BOC: variants seen among roughly 807,000 people sequenced by gnomAD.
BOC encodes BOC cell adhesion associated, oncogene regulated.
Under a neutral mutation model 112.0 loss-of-function variants are expected in BOC, and 76 were observed. The ratio of observed to expected loss-of-function variants is 0.68; its 90% CI spans 0.56 to 0.82. BOC has a LOEUF of 0.82. Among genes scored for constraint, BOC ranks in the 40% least tolerant of loss-of-function variants. BOC has a pLI of 0.00. For missense variants in BOC, 1,309 were observed against 1,511.7 expected, an observed-to-expected ratio of 0.87 and a Z score of 2.22; for synonymous variants, 580 against 599.8, an observed-to-expected ratio of 0.97 and a Z score of 0.48.
At chr3:113,281,305 T>G in intron 15 of BOC, 152 bp downstream of exon 15, 1 of 951,054 alleles carries the variant, frequency 1.1e-6, no homozygotes, top group Non-Finnish European at 1.5e-6. Context: ...TTTCACTCTC[T>G]ACTCATTTGT....
At chr3:113,215,424 T>G (rs1375840621) in intron 1 of BOC, among the ~76,000 whole-genome samples, 1 of 152,192 alleles carries the variant, frequency 6.6e-6, no homozygotes, top group Non-Finnish European at 1.5e-5. Context: ...TGAACTCCAT[T>G]CACACTGACT....
intron 5 of BOC, chr3:113,269,340 C>T (rs1947859113): frequency 1.3e-5 from 2 of 152,156 alleles, no homozygotes; most frequent in African/African-American, 4.8e-5. Context: ...AAGGGGTTGT[C>T]CCCGAAGTCA....
At position 113,221,566 on chromosome 3, in the gene BOC, C is replaced by T. The variant is rs117336787; in HGVS notation, c.-82+5292C>T. On this transcript the variant is annotated intron_variant, in intron 2 of 19. Coordinates refer to ENST00000682979, the MANE Select transcript of BOC (RefSeq NM_001378074.1). ...TGACTATGTTCTTTCTCTCATCCTC[C>T]ACTTTAAATTGGCCAGTAATATTGG... is the stretch of plus-strand genomic sequence containing the variant. 3.8e-4 allele frequency among the ~76,000 whole-genome samples: 58 copies of T among 152,322 alleles called. No homozygotes were observed. In the East Asian group the frequency reaches 9.7e-3, roughly 25 times the overall value.
rs1948848131 is a variant in BOC, at chr3:113,278,234, C to G, written c.1682C>G (p.Thr561Arg). The change falls in exon 10 of 20, where the codon ACA (threonine) becomes AGA (arginine). Residue 561 changes from threonine (T) to arginine (R), a missense_variant. Transcript: ENST00000682979. This position sits in a 1 kb window ranked among gnomAD's most constrained non-coding sequence, Gnocchi z 4.2. Reference protein sequence around the residue: ...AAYNCAGEGQTAMVTFRTGRR... With the variant: ...AAYNCAGEGQRAMVTFRTGRR... ...TACAACTGTGCGGGAGAGGGCCAGACAGCCATGGTCACCTTCCGAACTGGT... is the reference window on the plus strand; with the variant it reads ...TACAACTGTGCGGGAGAGGGCCAGAGAGCCATGGTCACCTTCCGAACTGGT... 1 of 1,614,220 alleles carries G rather than the reference C, an allele frequency of 6.2e-7. No homozygotes were observed. Among genetic ancestry groups the G allele is most frequent in the Admixed American group, 1.7e-5 (1 of 60,028 alleles).
intron 6 of BOC, 134 bp downstream of exon 6, chr3:113,271,078 G>A: frequency 7.5e-7 from 1 of 1,335,296 alleles, no homozygotes; most frequent in Non-Finnish European, 1.1e-6. Flanking sequence ...TGGCCAGGGG[G>A]ACAGCCAGGG....
intron 12 of BOC, 80 bp from the exon 13 acceptor site, chr3:113,279,744 G>A: frequency 6.9e-7 from 1 of 1,444,022 alleles, no homozygotes; most frequent in Non-Finnish European, 9.4e-7. Context: ...GACCCCTCCA[G>A]GTCCTGGGCC....
chr3:113,235,304 T>C (rs1053639459), intron 2 of BOC, among the ~76,000 whole-genome samples: 1 of 152,200 alleles, frequency 6.6e-6, no homozygotes, highest in Non-Finnish European at 1.5e-5. Context: ...CCTGGTCATA[T>C]GTTGTAATTA....
At chr3:113,279,677 T>C (rs1339291638) in intron 12 of BOC, 147 bp from the exon 13 acceptor site, 2 of 870,530 alleles carry the variant, frequency 2.3e-6, no homozygotes, top group Non-Finnish European at 3.4e-6. Flanking sequence ...GCTCTGACAG[T>C]GGCGGGTGTT....
At chr3:113,267,515 G>T (rs965065789) in intron 4 of BOC, among the ~76,000 whole-genome samples, 11 of 152,170 alleles carry the variant, frequency 7.2e-5, no homozygotes, top group Non-Finnish European at 1.6e-4. Flanking sequence ...ACCCTAGGGT[G>T]CTGCCTGTTG....
At chr3:113,268,973 A>G (rs1947817719) in intron 5 of BOC, among the ~76,000 whole-genome samples, 1 of 152,142 alleles carries the variant, frequency 6.6e-6, no homozygotes, top group Non-Finnish European at 1.5e-5. Flanking sequence ...CTGTCTTAGC[A>G]TGAGGAATTT....
In BOC at chr3:113,249,782, T is replaced by C. The variant is rs1576410641; in HGVS notation, c.-21T>C. On this transcript the variant is annotated 5_prime_UTR_variant, in exon 3 of 20. Coordinates refer to ENST00000682979, the MANE Select transcript of BOC (RefSeq NM_001378074.1). ...CCCTGGCGGCTTATGGGACGTTGGC[T>C]TCAGACCTTTGTGATACACCATGCT... 9 of 1,601,742 alleles carry C rather than the reference T, an allele frequency of 5.6e-6. No homozygotes were observed. The highest frequency in any genetic ancestry group is 1.8e-5 in the Admixed American group (1 of 56,288).
chr3:113,216,012 C>A (rs1939300827), intron 1 of BOC, among the ~76,000 whole-genome samples, 175 bp from the exon 2 acceptor site: 1 of 152,204 alleles, frequency 6.6e-6, no homozygotes, highest in South Asian at 2.1e-4. Context: ...AGCCAGGAAA[C>A]TGGACATTTC....
intron 7 of BOC, 78 bp from the exon 8 acceptor site, chr3:113,272,991 A>G (rs1181352071): frequency 6.6e-7 from 1 of 1,512,306 alleles, no homozygotes; most frequent in Non-Finnish European, 9.0e-7. Flanking sequence ...AGCTGCTCCT[A>G]ACTACATCCC....
chr3:113,264,564 C>T (rs1947253173), intron 4 of BOC, among the ~76,000 whole-genome samples: 1 of 152,200 alleles, frequency 6.6e-6, no homozygotes, highest in African/African-American at 2.4e-5. Flanking sequence ...AGGCTGGTTT[C>T]CTTCATATGC....
In BOC at chr3:113,270,925, C is replaced by T. The variant is rs139574939; in HGVS notation, c.648C>T (p.Ser216=). The change falls in exon 6 of 20, where the codon AGC becomes AGT. Residue 216 remains serine, a synonymous_variant. Coordinates refer to ENST00000682979, the MANE Select transcript of BOC (RefSeq NM_001378074.1). ...VTQEVKTSGS[S]DRLRVRRSTA... is the part of the protein sequence containing the mutation. ...AGGAAGTGAAAACCTCCGGCTCCAGCGACAGGCTACGTGTGCGCCGTAAGG... is the reference window on the plus strand; with the variant it reads ...AGGAAGTGAAAACCTCCGGCTCCAGTGACAGGCTACGTGTGCGCCGTAAGG... The T allele has an allele frequency of 6.4e-4, 1,038 of 1,614,194 alleles. 6 individuals are homozygous for T. The African/African-American group carries it at 0.012, about 18-fold the overall frequency.
At chr3:113,259,323 G>A (rs1306114971) in intron 4 of BOC, among the ~76,000 whole-genome samples, 1 of 152,178 alleles carries the variant, frequency 6.6e-6, no homozygotes, top group Admixed American at 6.5e-5. Flanking sequence ...CATTTTCTAA[G>A]CTAAGAGAAA....
chr3:113,232,500 A>AG (rs1364598138), intron 2 of BOC, among the ~76,000 whole-genome samples: 1 of 152,160 alleles, frequency 6.6e-6, no homozygotes, highest in East Asian at 1.9e-4. Context: ...ATGGGAAAGA[A>AG]AGTAAACTGT....
rs1213027428 is a variant in BOC at position 113,286,763 on chromosome 3, G to A, written c.3249G>A (p.Gln1083=). The A allele has an allele frequency of 1.9e-6, 3 of 1,613,778 alleles. No homozygotes were observed. The African/African-American group carries it at 4.0e-5, about 22-fold the overall frequency. The change falls in exon 20 of 20, where the codon CAG becomes CAA. Residue 1083 remains glutamine, a synonymous_variant. Coordinates refer to ENST00000682979, the MANE Select transcript of BOC (RefSeq NM_001378074.1). ...TGAGTGGAGGAGACTGGTGTCCCCA[G>A]CACCCCGTAGGGGCCTACGTAGGAC... The part of the protein sequence containing the change: ...CQVSGGDWCP[Q]HPVGAYVGQE...
chr3:113,282,480 C>T (rs11923623), intron 15 of BOC, among the ~76,000 whole-genome samples: 6,870 of 152,170 alleles, frequency 0.045, 176 homozygotes, highest in African/African-American at 0.065. Flanking sequence ...GAAATGGCAA[C>T]GGCAAGAAGA....
Sources: allele counts gnomAD v4.1 joint callset (sites outside exome capture counted in the v4.1 genomes callset), GRCh38; gene constraint gnomAD v4.1.1; non-coding constraint Gnocchi (gnomAD v3.1); transcripts MANE v1.5; gene names NCBI Gene and HGNC (gene_info 2026-07-23, HGNC 2026-07-21).